The following TRIO variants were observed in gnomAD, a reference collection of about 807,000 sequenced individuals.
The protein encoded by TRIO is triple functional domain protein.
Under a neutral mutation model 351.9 loss-of-function variants are expected in TRIO, and 58 were observed. That is an observed-to-expected ratio of 0.16 (90% CI 0.13 to 0.21). TRIO has a LOEUF of 0.21. Ranked by LOEUF, TRIO falls within the 10% of genes least tolerant of loss-of-function variation. The pLI is 1.00. For missense variants in TRIO, 3,201 were observed against 4,027.8 expected (o/e 0.79, Z 5.56); for synonymous variants, 1,758 against 1,595.7 (o/e 1.10, Z -2.42).
intron 13 of TRIO, among the ~76,000 whole-genome samples, chr5:14,359,952 G>A (rs776239678): frequency 3.3e-5 from 5 of 151,918 alleles, no homozygotes; most frequent in African/African-American, 1.2e-4. Context: ...CCTCCCTGTC[G>A]TCTTCTCATC....
At chr5:14,253,777 A>T (rs923052187) in intron 1 of TRIO, among the ~76,000 whole-genome samples, 1 of 152,304 alleles carries the variant, frequency 6.6e-6, no homozygotes, top group South Asian at 2.1e-4. Context: ...TATTTTCACA[A>T]CAGGGAAATA....
intron 8 of TRIO, among the ~76,000 whole-genome samples, chr5:14,306,925 T>A (rs1738424329): frequency 6.6e-6 from 1 of 152,134 alleles, no homozygotes; most frequent in Non-Finnish European, 1.5e-5. Flanking sequence ...TCAAAATAAT[T>A]TGATAGGAAG....
At chr5:14,370,678 C>T (rs1025238226) in intron 18 of TRIO, among the ~76,000 whole-genome samples, 2 of 152,160 alleles carry the variant, frequency 1.3e-5, no homozygotes, top group African/African-American at 2.4e-5. Flanking sequence ...TCTTTTTAAG[C>T]AAGCTCCCGG....
At chr5:14,216,235 G>C (rs27759) in intron 1 of TRIO, among the ~76,000 whole-genome samples, 117,093 of 152,090 alleles carry the variant, frequency 0.77, 46,583 homozygotes, top group East Asian at 0.99. Flanking sequence ...CATAGCACTA[G>C]CTTTTTGATC....
At chr5:14,304,434 G>T in intron 7 of TRIO, 27 bp from the exon 8 acceptor site, 12 of 1,590,026 alleles carry the variant, frequency 7.5e-6, no homozygotes, top group Non-Finnish European at 8.5e-6. Context: ...GTCATTGATA[G>T]AAATAATCTT....
intron 34 of TRIO, among the ~76,000 whole-genome samples, chr5:14,433,228 A>T (rs915512821): frequency 6.6e-6 from 1 of 152,226 alleles, no homozygotes; most frequent in Non-Finnish European, 1.5e-5. Context: ...AAAGGAGCCT[A>T]TCGAATTCTT....
intron 48 of TRIO, chr5:14,488,812 C>G (rs762206739): frequency 4.7e-6 from 3 of 636,000 alleles, no homozygotes; most frequent in Middle Eastern, 3.9e-4. Flanking sequence ...CCACTGGGAA[C>G]GCTTTACGTC....
At chr5:14,312,858 T>C (rs2152302950) in intron 8 of TRIO, among the ~76,000 whole-genome samples, 1 of 152,348 alleles carries the variant, frequency 6.6e-6, no homozygotes, top group South Asian at 2.1e-4. Context: ...TAAAAATTAT[T>C]ATCTCTATAC....
intron 48 of TRIO, chr5:14,492,223 G>A: frequency 3.3e-6 from 1 of 307,076 alleles, no homozygotes; most frequent in Admixed American, 4.8e-5. Flanking sequence ...TGTTTGCTTA[G>A]GAGTAACCTA....
At chr5:14,268,982 C>T (rs1041885157) in intron 1 of TRIO, among the ~76,000 whole-genome samples, 4 of 152,196 alleles carry the variant, frequency 2.6e-5, no homozygotes, top group Admixed American at 6.5e-5. Flanking sequence ...TTGCAGAACT[C>T]TTGGCTCAGA....
chr5:14,176,453 C>G (rs565424921), intron 1 of TRIO, among the ~76,000 whole-genome samples: 3 of 152,178 alleles, frequency 2.0e-5, no homozygotes, highest in Non-Finnish European at 2.9e-5. Flanking sequence ...CTGGGTGACA[C>G]AGCGAGACTC....
chr5:14,303,253 C>T (rs1368207378), intron 7 of TRIO, among the ~76,000 whole-genome samples: 1 of 143,152 alleles, frequency 7.0e-6, no homozygotes, highest in Non-Finnish European at 1.5e-5. Context: ...ATGGCTGCCG[C>T]AGGACCGTTG....
At chr5:14,478,131 A>G (rs892314389) in intron 41 of TRIO, among the ~76,000 whole-genome samples, 3 of 152,248 alleles carry the variant, frequency 2.0e-5, no homozygotes, top group South Asian at 2.1e-4. Context: ...ACTCGGTTAC[A>G]TAAGTGCTTT....
chr5:14,151,129 ACATGAGT>A (rs1403421907), intron 1 of TRIO, among the ~76,000 whole-genome samples: 1 of 152,200 alleles, frequency 6.6e-6, no homozygotes, highest in African/African-American at 2.4e-5. Context: ...CTTCGTTCCT[ACATGAGT>A]AACTATAGGA....
chr5:14,310,636 A>G (rs1031097880), intron 8 of TRIO, among the ~76,000 whole-genome samples: 1 of 152,208 alleles, frequency 6.6e-6, no homozygotes, highest in Non-Finnish European at 1.5e-5. Context: ...CTTAAAACCA[A>G]AAAACCACCT....
At chr5:14,506,535 A>G (rs1203866184) in intron 55 of TRIO, among the ~76,000 whole-genome samples, 3 of 152,220 alleles carry the variant, frequency 2.0e-5, no homozygotes, top group Non-Finnish European at 4.4e-5. Flanking sequence ...ACTAAGGCCC[A>G]CTTCACAGAG....
intron 1 of TRIO, among the ~76,000 whole-genome samples, chr5:14,269,518 C>T (rs16903348): frequency 1.3e-5 from 2 of 152,186 alleles, no homozygotes; most frequent in Admixed American, 6.5e-5. Flanking sequence ...GCTTGGAATT[C>T]ACCTGGTTTT....
chr5:14,162,097 G>A (rs913184462), intron 1 of TRIO, among the ~76,000 whole-genome samples: 6 of 152,184 alleles, frequency 3.9e-5, no homozygotes, highest in African/African-American at 9.7e-5. Flanking sequence ...TGTGGGTTAT[G>A]GAATCACGGC....
At chr5:14,265,153 A>G (rs1465448394) in intron 1 of TRIO, among the ~76,000 whole-genome samples, 1 of 150,216 alleles carries the variant, frequency 6.7e-6, no homozygotes, top group African/African-American at 2.5e-5. Flanking sequence ...AACTCGGAAT[A>G]GCTGACAGGC....
Sources: allele counts gnomAD v4.1 joint callset (sites outside exome capture counted in the v4.1 genomes callset), GRCh38; gene constraint gnomAD v4.1.1; transcripts MANE v1.5; gene names NCBI Gene and HGNC (gene_info 2026-07-23, HGNC 2026-07-21).